Variants in ZNF229 observed in about 807,000 individuals in gnomAD.
ZNF229 encodes the protein zinc finger protein 229.
Under a neutral mutation model 11.8 loss-of-function variants are expected in ZNF229, and 10 were observed. The ratio of observed to expected loss-of-function variants is 0.85; its 90% CI spans 0.52 to 1.44. The LOEUF (loss-of-function observed/expected upper bound fraction) is 1.44, where lower values mean the gene tolerates loss of function less well. Ranked by LOEUF, ZNF229 falls within the 40% of genes most tolerant of loss-of-function variation. The pLI is 0.00. For synonymous variants in ZNF229, 368 were observed against 374.8 expected (o/e 0.98, Z 0.21); for missense variants, 1,045 against 1,015.1 (o/e 1.03, Z -0.40).
At chr19:44,445,266 T>C (rs895010011) in intron 2 of ZNF229, among the ~76,000 whole-genome samples, 6 of 152,154 alleles carry the variant, frequency 3.9e-5, no homozygotes, top group Non-Finnish European at 5.9e-5. Context: ...GGCCTCTGCA[T>C]TCCTACTCCT....
In ZNF229 at chr19:44,428,403, T is replaced by C. The variant is rs757357278; in HGVS notation, c.2378A>G (p.Glu793Gly). 1.2e-6 allele frequency: 2 copies of C among 1,614,114 alleles called. No homozygotes were observed. The highest frequency in any genetic ancestry group is 2.2e-5 in the South Asian group (2 of 91,060). Residue 793 changes from glutamate to glycine, a missense_variant, in exon 6 of 6, where the codon GAG becomes GGG. Transcript: ENST00000614049. ...ACACACACCACACGTATAGGGCTTC[T>C]CTCCAGTGTGGACTCTCTGATGAAC... ...LHVHQRVHTG[E>G]KPYTCGVCGK...
In ZNF229 at chr19:44,432,202, A is replaced by C. The variant is rs371050041; in HGVS notation, c.238+20T>G. 7 of 1,601,182 alleles carry C rather than the reference A, an allele frequency of 4.4e-6. No homozygotes were observed. The highest frequency in any genetic ancestry group is 6.0e-6 in the Non-Finnish European group (7 of 1,176,254). ...TCTCTCCAGGAACAAGAACACTCCA[A>C]GAAGTTCAGTTCCAATTACCCAGAG... On this transcript the variant is annotated intron_variant, in intron 5 of 5. Coordinates refer to ENST00000614049, the MANE Select transcript of ZNF229 (RefSeq NM_014518.4).
At chr19:44,438,164 G>C (rs1009034700) in intron 4 of ZNF229, among the ~76,000 whole-genome samples, 1 of 152,158 alleles carries the variant, frequency 6.6e-6, no homozygotes, top group Non-Finnish European at 1.5e-5. Flanking sequence ...TAACACTTTT[G>C]ATAAGTGTTT....
At chr19:44,442,783 C>CGCG in intron 3 of ZNF229, 31 bp downstream of exon 3, 1 of 1,425,538 alleles carries the variant, frequency 7.0e-7, no homozygotes, top group Non-Finnish European at 9.9e-7. Context: ...TTTGGATTCT[C>CGCG]CCCCCACCCA....
Position 44,448,448 on chromosome 19 carries a change from C to T in ZNF229, c.-405G>A, listed in dbSNP as rs1360897436. On this transcript the variant is annotated 5_prime_UTR_variant, in exon 1 of 6. In the 5' UTR this introduces an upstream ATG that the reference lacks. Coordinates refer to ENST00000614049, the MANE Select transcript of ZNF229 (RefSeq NM_014518.4). ...AGATGCACGTCTCTAAGACGCCTCA[C>T]CACTGCCTAAGAAGCAATCAAGGTG... 6.6e-6 allele frequency: 1 copy of T among 152,268 alleles called. No individual in the cohort carries two copies. The highest frequency in any genetic ancestry group is 1.5e-5 in the Non-Finnish European group (1 of 68,070). 9.4% of individuals were successfully genotyped at this position (152,268 alleles called of 1,614,324 possible). A position where few individuals can be genotyped will look rare whatever the true frequency, so the allele number is the denominator to read the frequency against.
At chr19:44,437,413 C>T (rs1971833988) in intron 4 of ZNF229, among the ~76,000 whole-genome samples, 1 of 152,098 alleles carries the variant, frequency 6.6e-6, no homozygotes, top group East Asian at 1.9e-4. Context: ...ATCAAAACCA[C>T]GAGATACCAC....
At chr19:44,439,465 A>T (rs1028899707) in intron 4 of ZNF229, among the ~76,000 whole-genome samples, 2 of 151,944 alleles carry the variant, frequency 1.3e-5, no homozygotes, top group African/African-American at 4.8e-5. Context: ...TTTTTTTGAG[A>T]TGGAGTCTCA....
rs192182165 is a variant in ZNF229 at position 44,430,258 on chromosome 19, C to A, written c.523G>T (p.Ala175Ser). 3.8e-5 allele frequency: 61 copies of A among 1,614,146 alleles called. No homozygotes were observed. The Admixed American group carries it at 1.0e-3, about 27-fold the overall frequency. Residue 175 changes from alanine (A) to serine (S), a missense_variant, in exon 6 of 6, where the codon GCC (alanine) becomes TCC (serine). Coordinates refer to ENST00000614049, the MANE Select transcript of ZNF229 (RefSeq NM_014518.4). ...LIGLENQQFP[A>S]WRAIRPIPIQ... is the part of the protein sequence containing the mutation. ...GGGATTGGTCTTATAGCTCTCCAGGCTGGAAACTGTTGATTTTCTAGACCG... is the reference window on the plus strand; with the variant it reads ...GGGATTGGTCTTATAGCTCTCCAGGATGGAAACTGTTGATTTTCTAGACCG...
At position 44,429,645 on chromosome 19, in the gene ZNF229, C is replaced by T. The variant is rs773687574; in HGVS notation, c.1136G>A (p.Cys379Tyr). Reference protein sequence around the residue: ...GVHTGRRPYKCEECGKAFGRS... With the variant: ...GVHTGRRPYKYEECGKAFGRS... ...ACCAAATGCCTTCCCACACTCCTCA[C>T]ATTTATAGGGTCTCCTTCCTGTGTG... Residue 379 changes from cysteine (C) to tyrosine (Y), a missense_variant, in exon 6 of 6, where the codon TGT (cysteine) becomes TAT (tyrosine). Coordinates refer to ENST00000614049, the MANE Select transcript of ZNF229 (RefSeq NM_014518.4). 3.1e-6 allele frequency: 5 copies of T among 1,613,994 alleles called. No homozygotes were observed. The highest frequency in any genetic ancestry group is 1.1e-5 in the South Asian group (1 of 91,088).
In ZNF229 at chr19:44,429,389, G is replaced by A. The variant is rs139503835; in HGVS notation, c.1392C>T (p.Gly464=). The A allele has an allele frequency of 5.8e-4, 931 of 1,613,988 alleles. 4 individuals carry two copies. In the African/African-American group the frequency reaches 0.011, roughly 19 times the overall value. ...IHPGEKPYSC[G]ECGKGFSCSS... The stretch of plus-strand genomic sequence containing the variant: ...TGCAGCTGAATCCCTTTCCACACTC[G>A]CCACAGCTGTAGGGCTTTTCTCCAG... Residue 464 remains glycine (G), a synonymous_variant, in exon 6 of 6, where the codon GGC becomes GGT. Coordinates refer to ENST00000614049, the MANE Select transcript of ZNF229 (RefSeq NM_014518.4).
chr19:44,431,321 G>A (rs146851595), intron 5 of ZNF229, among the ~76,000 whole-genome samples: 211 of 152,262 alleles, frequency 1.4e-3, no homozygotes, highest in African/African-American at 4.5e-3. Context: ...AGTTCTGGAT[G>A]ATTTTAAAAA....
chr19:44,433,294 T>C (rs1232937675), intron 4 of ZNF229, among the ~76,000 whole-genome samples: 3 of 152,120 alleles, frequency 2.0e-5, no homozygotes, highest in Non-Finnish European at 2.9e-5. Context: ...TGGCTTCAAG[T>C]GATTCTACCA....
chr19:44,432,270 G>A lies in ZNF229; in HGVS notation c.190C>T (p.Gln64Ter). 1 of 1,613,858 alleles carries A rather than the reference G, an allele frequency of 6.2e-7. No homozygotes were observed. Among genetic ancestry groups the A allele is most frequent in the Non-Finnish European group, 8.5e-7 (1 of 1,179,946 alleles). Reference protein sequence around the residue: ...TQRQLYQDVMQENFRNLLSVG... With the variant: ...TQRQLYQDVM ...GAGAGTAGGTTCCTGAAATTCTCCTGCATCACATCTTGGTACAGCTGCCTC... is the reference window on the plus strand; with the variant it reads ...GAGAGTAGGTTCCTGAAATTCTCCTACATCACATCTTGGTACAGCTGCCTC... The change falls in exon 5 of 6, where the codon CAG becomes TAG. Residue 64 changes from glutamine to a stop codon, truncating the protein, a stop_gained. Coordinates refer to ENST00000614049, the MANE Select transcript of ZNF229 (RefSeq NM_014518.4). LOFTEE classifies it low-confidence loss of function (END_TRUNC).
At position 44,428,874 on chromosome 19, in the gene ZNF229, C is replaced by G. The variant is rs754928217; in HGVS notation, c.1907G>C (p.Gly636Ala). Residue 636 changes from glycine (G) to alanine (A), a missense_variant, in exon 6 of 6, where the codon GGC (glycine) becomes GCC (alanine). By Grantham distance (60) the Gly-to-Ala change is moderately conservative. Coordinates refer to ENST00000614049, the MANE Select transcript of ZNF229 (RefSeq NM_014518.4). ...GAGAAGCCCTGAGCTGTAACTGAAG[C>G]CTTTGCCACACTCAGCACATTTATA... is the stretch of plus-strand genomic sequence containing the variant. Reference protein sequence around the residue: ...KPYKCAECGKGFSYSSGLLIH... With the variant: ...KPYKCAECGKAFSYSSGLLIH... 1.9e-6 allele frequency: 3 copies of G among 1,613,598 alleles called. No homozygotes were observed. The highest frequency in any genetic ancestry group is 8.5e-7 in the Non-Finnish European group (1 of 1,179,944).
chr19:44,436,116 G>C (rs894533239), intron 4 of ZNF229, among the ~76,000 whole-genome samples: 15 of 152,168 alleles, frequency 9.9e-5, no homozygotes, highest in Non-Finnish European at 2.1e-4. Flanking sequence ...ATATTTACAG[G>C]GAGACATGTT....
intron 4 of ZNF229, among the ~76,000 whole-genome samples, chr19:44,434,828 T>A (rs2123357013): frequency 6.6e-6 from 1 of 152,312 alleles, no homozygotes; most frequent in Non-Finnish European, 1.5e-5. Context: ...TTTGTCTCTG[T>A]CCCCACCCAA....
chr19:44,438,071 T>C (rs974042382), intron 4 of ZNF229, among the ~76,000 whole-genome samples: 1 of 152,170 alleles, frequency 6.6e-6, no homozygotes, highest in East Asian at 1.9e-4. Flanking sequence ...CCCCATGCCA[T>C]GCAATTCACC....
intron 4 of ZNF229, among the ~76,000 whole-genome samples, chr19:44,437,177 T>C (rs978991709): frequency 1.3e-5 from 2 of 152,100 alleles, no homozygotes; most frequent in Non-Finnish European, 2.9e-5. Flanking sequence ...ATTTTTAATA[T>C]AAATATTAAA....
At position 44,442,911 on chromosome 19, in the gene ZNF229, C is replaced by G; in HGVS notation, c.-64G>C. On this transcript the variant is annotated 5_prime_UTR_variant, in exon 3 of 6. Transcript: ENST00000614049. The stretch of plus-strand genomic sequence containing the variant: ...GTATTTATTCTCTGGTTTTCCTAAG[C>G]TGGAGACGCAGAAGATCCAGGCCTT... 1 of 1,588,890 alleles carries G rather than the reference C, an allele frequency of 6.3e-7. No homozygotes were observed. Among genetic ancestry groups the G allele is most frequent in the Non-Finnish European group, 8.6e-7 (1 of 1,157,434 alleles).
Sources: gnomAD v4.1 joint callset for allele counts (sites outside exome capture counted in the v4.1 genomes callset) on GRCh38, gnomAD v4.1.1 for gene constraint, MANE v1.5 for transcripts, NCBI Gene and HGNC (gene_info 2026-07-23, HGNC 2026-07-21) for gene names.